Variants in MAPK4 observed in about 807,000 individuals in gnomAD.
The protein encoded by MAPK4 is mitogen-activated protein kinase 4.
A neutral mutation model predicts 47.7 loss-of-function variants in MAPK4; 22 were observed. The observed-to-expected ratio is 0.46, with a 90% confidence interval of 0.33 to 0.66. The LOEUF (loss-of-function observed/expected upper bound fraction) is 0.66. MAPK4 is among the 30% of genes least tolerant of loss of function. MAPK4 has a pLI of 0.02. For missense variants in MAPK4, 736 were observed against 831.7 expected, an observed-to-expected ratio of 0.88 and a Z score of 1.42; for synonymous variants, 390 against 365.7, an observed-to-expected ratio of 1.07 and a Z score of -0.76.
chr18:50,566,549 G>T (rs1568028881), intron 1 of MAPK4, among the ~76,000 whole-genome samples: 1 of 152,192 alleles, frequency 6.6e-6, no homozygotes, highest in Non-Finnish European at 1.5e-5. Context: ...GGGAGACCAG[G>T]CAGGAAAAGG....
At chr18:50,650,362 C>T (rs2043035186) in intron 1 of MAPK4, among the ~76,000 whole-genome samples, 1 of 151,094 alleles carries the variant, frequency 6.6e-6, no homozygotes, top group African/African-American at 2.4e-5. Flanking sequence ...TTTTCCTCTC[C>T]CTAGCTCCTC....
chr18:50,575,792 CAAAAAA>C (rs540138636), intron 1 of MAPK4, among the ~76,000 whole-genome samples: 55 of 70,160 alleles, frequency 7.8e-4, no homozygotes, highest in Admixed American at 6.5e-4. Flanking sequence ...AATCAACAAG[CAAAAAA>C]AAAAAAAAAA....
chr18:50,622,460 C>T (rs2042740690), intron 1 of MAPK4, among the ~76,000 whole-genome samples: 1 of 152,162 alleles, frequency 6.6e-6, no homozygotes, highest in Non-Finnish European at 1.5e-5. Context: ...GCGGGCTGCC[C>T]TGGACAGGAG....
intron 2 of MAPK4, among the ~76,000 whole-genome samples, chr18:50,711,212 G>C (rs985735601): frequency 2.0e-5 from 3 of 152,226 alleles, no homozygotes; most frequent in African/African-American, 7.2e-5. Context: ...GCTGCTGCTA[G>C]ATTATTTCCC....
chr18:50,677,309 T>C (rs1339626805), intron 2 of MAPK4, among the ~76,000 whole-genome samples: 2 of 152,254 alleles, frequency 1.3e-5, no homozygotes, highest in East Asian at 3.8e-4. Context: ...GGCATAGCCT[T>C]CTTTCAATAA....
Position 50,729,231 on chromosome 18 carries a change from G to A in MAPK4, c.1141G>A (p.Asp381Asn). Reference sequence around the variant, plus strand: ...CCAGGACGCCAGCGAGGTACAGCGCGACCCGCGCGCGGGTTCGGCGCCACT... The same window carrying A: ...CCAGGACGCCAGCGAGGTACAGCGCAACCCGCGCGCGGGTTCGGCGCCACT... ...RCQDASEVQR[D>N]PRAGSAPLAE... Residue 381 changes from aspartate to asparagine, a missense_variant, in exon 6 of 6, where the codon GAC becomes AAC. By Grantham distance (23) the Asp-to-Asn change is conservative (BLOSUM62 1). Coordinates refer to ENST00000400384, the MANE Select transcript of MAPK4 (RefSeq NM_002747.4). The A allele has an allele frequency of 6.2e-7, 1 of 1,607,918 alleles. No individual in the cohort carries two copies. The highest frequency in any genetic ancestry group is 1.1e-5 in the South Asian group (1 of 90,896).
chr18:50,608,719 A>G (rs1341481140), intron 1 of MAPK4, among the ~76,000 whole-genome samples: 2 of 151,224 alleles, frequency 1.3e-5, no homozygotes, highest in African/African-American at 2.4e-5. Context: ...ATTTTATTTT[A>G]TTATTATTTT....
At position 50,663,784 on chromosome 18, in the gene MAPK4, C is replaced by G; in HGVS notation, c.-175C>G. On this transcript the variant is annotated 5_prime_UTR_variant, in exon 2 of 6. Transcript: ENST00000400384. ...ACTAGCACAGCTCAGCGAGCATGAC[C>G]ATATGCCATTCTCGTCTCCAGAGAG... 1.7e-6 allele frequency: 1 copy of G among 594,908 alleles called. No homozygotes were observed. Among genetic ancestry groups the G allele is most frequent in the Non-Finnish European group, 3.0e-6 (1 of 338,322 alleles). The allele number at this position is 594,908 out of a possible 1,614,324, so 36.9% of individuals were successfully genotyped here.
At chr18:50,575,506 T>C (rs2042287055) in intron 1 of MAPK4, among the ~76,000 whole-genome samples, 1 of 152,176 alleles carries the variant, frequency 6.6e-6, no homozygotes, top group Non-Finnish European at 1.5e-5. Flanking sequence ...TTTATTTTTT[T>C]CTGAAGTCAC....
chr18:50,613,428 A>G (rs2042657489), intron 1 of MAPK4, among the ~76,000 whole-genome samples: 1 of 152,108 alleles, frequency 6.6e-6, no homozygotes, highest in African/African-American at 2.4e-5. Context: ...TCTGCCAACA[A>G]CCTGAATGAG....
At chr18:50,618,884 A>G (rs567208504) in intron 1 of MAPK4, among the ~76,000 whole-genome samples, 2 of 152,294 alleles carry the variant, frequency 1.3e-5, no homozygotes, top group African/African-American at 4.8e-5. Context: ...CGAGAATACT[A>G]TCTGAAAGTC....
intron 2 of MAPK4, chr18:50,669,270 T>G (rs1023332532): frequency 6.6e-6 from 1 of 152,260 alleles, no homozygotes; most frequent in African/African-American, 2.4e-5. Flanking sequence ...TGCTTTCTTC[T>G]GAATTTATCC....
intron 1 of MAPK4, among the ~76,000 whole-genome samples, chr18:50,601,192 G>A (rs957074498): frequency 6.6e-6 from 1 of 151,718 alleles, no homozygotes; most frequent in African/African-American, 2.4e-5. Flanking sequence ...AAATTAGCTG[G>A]GCATGGTGGC....
At chr18:50,716,019 C>T (rs1334717952) in intron 3 of MAPK4, among the ~76,000 whole-genome samples, 1 of 152,218 alleles carries the variant, frequency 6.6e-6, no homozygotes, top group East Asian at 1.9e-4. Context: ...TCCTAGTGAA[C>T]CTTCAAAACC....
intron 2 of MAPK4, among the ~76,000 whole-genome samples, chr18:50,710,558 A>G (rs938100758): frequency 6.6e-6 from 1 of 152,088 alleles, no homozygotes; most frequent in Admixed American, 6.5e-5. Flanking sequence ...TGGACAGATC[A>G]TGAGGTCAGG....
intron 1 of MAPK4, among the ~76,000 whole-genome samples, chr18:50,631,270 A>G (rs932962697): frequency 6.6e-6 from 1 of 152,096 alleles, no homozygotes; most frequent in East Asian, 1.9e-4. Context: ...CTGAGGTGCT[A>G]TCTAGTGTTC....
intron 2 of MAPK4, among the ~76,000 whole-genome samples, chr18:50,681,087 A>T (rs868011672): frequency 4.1e-4 from 62 of 150,228 alleles, no homozygotes; most frequent in Middle Eastern, 6.8e-3. Flanking sequence ...TTTTTTTTTT[A>T]AATTTTAGCC....
intron 2 of MAPK4, among the ~76,000 whole-genome samples, chr18:50,707,519 C>CA (rs1338665757): frequency 1.4e-5 from 2 of 140,686 alleles, no homozygotes; most frequent in Non-Finnish European, 3.0e-5. Context: ...TGCAGTGAGT[C>CA]ATGATCGTGC....
At chr18:50,597,043 G>A (rs2042488543) in intron 1 of MAPK4, among the ~76,000 whole-genome samples, 1 of 152,204 alleles carries the variant, frequency 6.6e-6, no homozygotes, top group African/African-American at 2.4e-5. Context: ...TATGACAATT[G>A]CATTTACCCA....
Sources: allele counts gnomAD v4.1 joint callset (sites outside exome capture counted in the v4.1 genomes callset), GRCh38; gene constraint gnomAD v4.1.1; transcripts MANE v1.5; gene names NCBI Gene and HGNC (gene_info 2026-07-23, HGNC 2026-07-21).